Variants in IKZF2 observed in about 807,000 individuals in gnomAD.
IKZF2 encodes IKAROS family zinc finger 2.
A neutral mutation model predicts 49.2 loss-of-function variants in IKZF2; 15 were observed. The observed-to-expected ratio is 0.30, with a 90% CI of 0.20 to 0.47. IKZF2 has a LOEUF of 0.47. Ranked by LOEUF, IKZF2 falls within the 20% of genes least tolerant of loss-of-function variation. The probability of loss-of-function intolerance (pLI) is 1.00; values close to 1 mark genes in which losing one functional copy is unlikely to be tolerated. For missense variants in IKZF2, 567 were observed against 664.6 expected, an observed-to-expected ratio of 0.85 and a Z score of 1.61; for synonymous variants, 227 against 221.4, an observed-to-expected ratio of 1.03 and a Z score of -0.23.
Position 213,002,238 on chromosome 2 carries a change from T to C in IKZF2, c.*5122A>G, listed in dbSNP as rs1040784860. ...ACTCTCTGTATGGGATAAAGGTTAA[T>C]ACACAACACATATTTTATACAGAAA... is the stretch of plus-strand genomic sequence containing the variant. On this transcript the variant is annotated 3_prime_UTR_variant, in exon 9 of 9. Coordinates refer to ENST00000434687, the MANE Select transcript of IKZF2 (RefSeq NM_001387220.1). 1 of 151,506 alleles carries C rather than the reference T, an allele frequency of 6.6e-6. No homozygotes were observed. Among genetic ancestry groups the C allele is most frequent in the Non-Finnish European group, 1.5e-5 (1 of 67,580 alleles). 9.4% of individuals were successfully genotyped at this position (151,506 alleles called of 1,614,324 possible). A position where few individuals can be genotyped will look rare whatever the true frequency, so the allele number is the denominator to read the frequency against.
At chr2:213,071,420 AAG>A (rs1230193311) in intron 4 of IKZF2, among the ~76,000 whole-genome samples, 1 of 152,164 alleles carries the variant, frequency 6.6e-6, no homozygotes, top group African/African-American at 2.4e-5. Context: ...GAGTGAGTTT[AAG>A]AACTGGGCTT....
At position 212,999,804 on chromosome 2, in the gene IKZF2, C is replaced by A. The variant is rs576186295; in HGVS notation, c.*7556G>T. 1 of 152,394 alleles carries A rather than the reference C, an allele frequency of 6.6e-6. No individual in the cohort carries two copies. The highest frequency in any genetic ancestry group is 1.5e-5 in the Non-Finnish European group (1 of 67,838). The allele number at this position is 152,394 out of a possible 1,614,324, so 9.4% of individuals were successfully genotyped here. ...AAATAAATCTTGGACAAATTATATG[C>A]TTGTTCCTGAGATTCCCTAAATTTA... On this transcript the variant is annotated 3_prime_UTR_variant, in exon 9 of 9. Coordinates refer to ENST00000434687, the MANE Select transcript of IKZF2 (RefSeq NM_001387220.1).
intron 4 of IKZF2, among the ~76,000 whole-genome samples, chr2:213,104,514 C>G (rs773804608): frequency 3.3e-5 from 5 of 152,108 alleles, no homozygotes; most frequent in Non-Finnish European, 7.4e-5. Flanking sequence ...TCCACATTTT[C>G]TAACTATTGA....
intron 6 of IKZF2, among the ~76,000 whole-genome samples, chr2:213,039,100 G>T (rs941253418): frequency 6.6e-6 from 1 of 151,752 alleles, no homozygotes; most frequent in Non-Finnish European, 1.5e-5. Flanking sequence ...CCTTAAAAAT[G>T]CATGTTAGTT....
At chr2:213,061,546 A>G (rs1701689989) in intron 4 of IKZF2, among the ~76,000 whole-genome samples, 2 of 151,568 alleles carry the variant, frequency 1.3e-5, no homozygotes, top group South Asian at 4.1e-4. Flanking sequence ...GAAAAGGATA[A>G]TAAAATGCAC....
chr2:213,126,793 A>G (rs1172501365), intron 4 of IKZF2, among the ~76,000 whole-genome samples: 1 of 152,234 alleles, frequency 6.6e-6, no homozygotes, highest in Non-Finnish European at 1.5e-5. Context: ...TCAAAAAACA[A>G]AGCAAAACAC....
intron 4 of IKZF2, among the ~76,000 whole-genome samples, chr2:213,070,412 C>G (rs996044765): frequency 6.6e-6 from 1 of 152,044 alleles, no homozygotes; most frequent in Non-Finnish European, 1.5e-5. Flanking sequence ...TATTAAAACT[C>G]CTGTTACTAC....
chr2:213,127,370 T>A (rs1489176309), intron 4 of IKZF2, among the ~76,000 whole-genome samples: 3 of 152,178 alleles, frequency 2.0e-5, no homozygotes, highest in Non-Finnish European at 4.4e-5. Flanking sequence ...ACTATAAAAC[T>A]ACATAGTTCT....
Position 213,131,122 on chromosome 2 carries a change from T to C in IKZF2, c.139+16586A>G, listed in dbSNP as rs78692181. ...TGTTGGGATAAAACTGGGGGAAATATCTTTTGTAAAGATTGTGTATATGAA... is the reference window on the plus strand; with the variant it reads ...TGTTGGGATAAAACTGGGGGAAATACCTTTTGTAAAGATTGTGTATATGAA... On this transcript the variant is annotated intron_variant, in intron 4 of 8. Transcript: ENST00000434687. 9.9e-4 allele frequency among the ~76,000 whole-genome samples: 151 copies of C among 152,264 alleles called. 2 individuals are homozygous for C. In the East Asian group the frequency reaches 0.026, roughly 26 times the overall value.
At chr2:213,008,184 G>T in intron 8 of IKZF2, 100 bp from the exon 9 acceptor site, 1 of 1,327,766 alleles carries the variant, frequency 7.5e-7, no homozygotes, top group Non-Finnish European at 1.0e-6. Context: ...TTGACTGATT[G>T]CCTCCATTTT....
At chr2:213,022,300 A>C (rs913727760) in intron 6 of IKZF2, among the ~76,000 whole-genome samples, 170 bp from the exon 7 acceptor site, 1 of 152,248 alleles carries the variant, frequency 6.6e-6, no homozygotes. Context: ...ATTTCTACCA[A>C]GACAAAGACA....
intron 6 of IKZF2, among the ~76,000 whole-genome samples, chr2:213,047,701 T>C (rs76136549): frequency 0.011 from 1,711 of 152,164 alleles, 32 homozygotes; most frequent in African/African-American, 0.04. Flanking sequence ...ACTACCAGAA[T>C]GATTTGGAGC....
intron 4 of IKZF2, among the ~76,000 whole-genome samples, chr2:213,101,504 T>G (rs1209573554): frequency 2.6e-5 from 4 of 152,012 alleles, no homozygotes; most frequent in African/African-American, 9.7e-5. Context: ...CACATTGATG[T>G]TTTTCTGGCA....
intron 6 of IKZF2, among the ~76,000 whole-genome samples, chr2:213,030,319 G>C: frequency 6.6e-6 from 1 of 151,622 alleles, no homozygotes; most frequent in Non-Finnish European, 1.5e-5. Context: ...TTTTTTTAAT[G>C]AAATGATTAA....
intron 4 of IKZF2, among the ~76,000 whole-genome samples, chr2:213,109,977 T>C (rs1030114270): frequency 1.3e-5 from 2 of 151,960 alleles, no homozygotes; most frequent in Non-Finnish European, 2.9e-5. Flanking sequence ...TTATTAAATA[T>C]ACACAATAAA....
chr2:213,083,235 G>T (rs1431401443), intron 4 of IKZF2, among the ~76,000 whole-genome samples: 1 of 152,040 alleles, frequency 6.6e-6, no homozygotes, highest in South Asian at 2.1e-4. Flanking sequence ...CCCCAGGCCA[G>T]GGACCAGTAG....
intron 4 of IKZF2, among the ~76,000 whole-genome samples, chr2:213,068,844 A>G (rs1702397258): frequency 6.6e-6 from 1 of 151,692 alleles, no homozygotes; most frequent in South Asian, 2.1e-4. Flanking sequence ...AGATAGTGCA[A>G]TGTGATAAAT....
intron 4 of IKZF2, among the ~76,000 whole-genome samples, chr2:213,133,075 G>T (rs1484237473): frequency 6.6e-6 from 1 of 152,110 alleles, no homozygotes. Flanking sequence ...GATTAAAAGC[G>T]GACTAAAAGC....
At chr2:213,092,106 GCAT>G (rs1469657028) in intron 4 of IKZF2, among the ~76,000 whole-genome samples, 1 of 152,052 alleles carries the variant, frequency 6.6e-6, no homozygotes, top group Non-Finnish European at 1.5e-5. Flanking sequence ...GCTCACTGCA[GCAT>G]CGACTTCCTG....
Sources: allele counts gnomAD v4.1 joint callset (sites outside exome capture counted in the v4.1 genomes callset), GRCh38; gene constraint gnomAD v4.1.1; transcripts MANE v1.5; gene names NCBI Gene and HGNC (gene_info 2026-07-23, HGNC 2026-07-21).